MORF4L1: variants seen among roughly 807,000 people sequenced by gnomAD.
MORF4L1 encodes the protein mortality factor 4 like 1, also known as mortality factor 4-like protein 1.
Under a neutral mutation model 52.9 loss-of-function variants are expected in MORF4L1, and 4 were observed. The ratio of observed to expected loss-of-function variants is 0.08; its 90% CI spans 0.04 to 0.17. The LOEUF is 0.17. Among genes scored for constraint, MORF4L1 ranks in the 10% least tolerant of loss-of-function variants. The pLI, the probability that MORF4L1 is intolerant of heterozygous loss-of-function variation, is 1.00. For synonymous variants in MORF4L1, 123 were observed against 134.8 expected (o/e 0.91, Z 0.61); for missense variants, 214 against 390.4 (o/e 0.55, Z 3.81).
intron 1 of MORF4L1, chr15:78,876,466 C>G (rs1023465502): frequency 1.3e-5 from 6 of 453,004 alleles, no homozygotes; most frequent in Admixed American, 4.8e-5. Flanking sequence ...GGTCATACTC[C>G]TCAGCTAGCT....
intron 3 of MORF4L1, among the ~76,000 whole-genome samples, chr15:78,884,660 T>TACACAC (rs67970418): frequency 1.5e-5 from 2 of 130,700 alleles, no homozygotes; most frequent in African/African-American, 5.9e-5. Context: ...AAAAAAAAAA[T>TACACAC]ACACACACAC....
intron 10 of MORF4L1, 183 bp from the exon 11 acceptor site, chr15:78,894,637 G>A: frequency 1.8e-6 from 1 of 564,608 alleles, no homozygotes; most frequent in Admixed American, 3.1e-5. Context: ...TTGAATACCT[G>A]ACCTCAAGCG....
chr15:78,874,583 C>CTTTTTT (rs56665378), intron 1 of MORF4L1, among the ~76,000 whole-genome samples: 94 of 112,158 alleles, frequency 8.4e-4, no homozygotes, highest in East Asian at 1.6e-3. Context: ...CTTTTTCTTT[C>CTTTTTT]TTTTTTTTTT....
In MORF4L1 at chr15:78,872,898, C is replaced by T. The variant is rs2056392238; in HGVS notation, c.-120C>T. The stretch of plus-strand genomic sequence containing the variant: ...GGTCTGCGGGCGCTGGCAAATCCGG[C>T]CCAGGATGTAGAGCTGGCAGTGCCT... On this transcript the variant is annotated 5_prime_UTR_variant, in exon 1 of 12. Coordinates refer to ENST00000426013, the MANE Select transcript of MORF4L1 (RefSeq NM_006791.4). 1.3e-5 allele frequency: 19 copies of T among 1,459,802 alleles called. No homozygotes were observed. The highest frequency in any genetic ancestry group is 1.6e-5 in the Non-Finnish European group (18 of 1,109,298). The allele number at this position is 1,459,802 out of a possible 1,614,324, so 90.4% of individuals were successfully genotyped here. A position where few individuals can be genotyped will look rare whatever the true frequency, so the allele number is the denominator to read the frequency against.
intron 3 of MORF4L1, among the ~76,000 whole-genome samples, chr15:78,882,822 A>G (rs1437818879): frequency 6.6e-4 from 2 of 3,050 alleles, no homozygotes; most frequent in African/African-American, 6.9e-4. Flanking sequence ...CTATAGTTTT[A>G]GCTTCTTAGG....
chr15:78,895,026 G>A, intron 11 of MORF4L1, 122 bp downstream of exon 11: 1 of 774,270 alleles, frequency 1.3e-6, no homozygotes, highest in East Asian at 2.7e-5. Context: ...AGTTGGTAAT[G>A]GAGCAGTAAA....
At position 78,891,496 on chromosome 15, in the gene MORF4L1, G is replaced by C; in HGVS notation, c.362G>C (p.Gly121Ala). 1 of 1,613,982 alleles carries C rather than the reference G, an allele frequency of 6.2e-7. No individual in the cohort carries two copies. Among genetic ancestry groups the C allele is most frequent in the Non-Finnish European group, 8.5e-7 (1 of 1,179,896 alleles). Reference sequence around the variant, plus strand: ...CCAACATTTACAGCACCTGGAAATGGAGATGGTGGCAGTACCAGTGAGACC... The same window carrying C: ...CCAACATTTACAGCACCTGGAAATGCAGATGGTGGCAGTACCAGTGAGACC... The part of the protein sequence containing the change: ...KKNKQKTPGN[G>A]DGGSTSETPQ... Residue 121 changes from glycine (G) to alanine (A), a missense_variant, in exon 7 of 12, where the codon GGA becomes GCA. By Grantham distance (60) the Gly-to-Ala change is moderately conservative. Coordinates refer to ENST00000426013, the MANE Select transcript of MORF4L1 (RefSeq NM_006791.4).
intron 1 of MORF4L1, among the ~76,000 whole-genome samples, chr15:78,874,232 C>T: frequency 6.6e-6 from 1 of 152,336 alleles, no homozygotes; most frequent in South Asian, 2.1e-4. Context: ...AATACGATGT[C>T]TACATGCGTA....
intron 3 of MORF4L1, chr15:78,885,186 C>A: frequency 1.1e-6 from 1 of 884,374 alleles, no homozygotes; most frequent in Non-Finnish European, 1.7e-6. Flanking sequence ...GGTGGGAAAT[C>A]ATTAAACAAA....
intron 3 of MORF4L1, among the ~76,000 whole-genome samples, chr15:78,881,189 CTT>C (rs570514618): frequency 1.9e-4 from 13 of 67,180 alleles, no homozygotes; most frequent in East Asian, 1.2e-3. Flanking sequence ...AGAGTTAAGC[CTT>C]TTTTTTTTTT....
At chr15:78,885,074 T>C (rs543708372) in intron 3 of MORF4L1, 1 of 1,609,820 alleles carries the variant, frequency 6.2e-7, no homozygotes, top group South Asian at 1.1e-5. Context: ...CACCCCCTCC[T>C]GACCTCTAGG....
At chr15:78,881,126 G>A (rs1414168452) in intron 3 of MORF4L1, among the ~76,000 whole-genome samples, 2 of 142,506 alleles carry the variant, frequency 1.4e-5, no homozygotes, top group African/African-American at 5.1e-5. Flanking sequence ...TCACTTTTTA[G>A]CATGGTTTAA....
intron 11 of MORF4L1, 87 bp downstream of exon 11, chr15:78,894,991 A>AC (rs1474429950): frequency 2.8e-6 from 3 of 1,069,634 alleles, no homozygotes; most frequent in Non-Finnish European, 4.3e-6. Flanking sequence ...AAAACATTAA[A>AC]CATTATATTG....
chr15:78,892,518 G>T, intron 8 of MORF4L1: 1 of 434,410 alleles, frequency 2.3e-6, no homozygotes, highest in Non-Finnish European at 4.1e-6. Context: ...AATTTTATGA[G>T]GTTATAATGA....
chr15:78,888,456 A>T (rs1314855695), intron 5 of MORF4L1, among the ~76,000 whole-genome samples: 1 of 152,166 alleles, frequency 6.6e-6, no homozygotes, highest in Non-Finnish European at 1.5e-5. Context: ...AAAAGAAAAA[A>T]AAAAAAGTTG....
chr15:78,875,926 GTT>G (rs1026903672), intron 1 of MORF4L1, among the ~76,000 whole-genome samples: 1 of 151,294 alleles, frequency 6.6e-6, no homozygotes, highest in South Asian at 2.1e-4. Context: ...GAGAAGTAGT[GTT>G]TTTTTGTTTT....
intron 6 of MORF4L1, 47 bp from the exon 7 acceptor site, chr15:78,891,437 G>T (rs1431651931): frequency 2.9e-6 from 4 of 1,400,716 alleles, no homozygotes; most frequent in African/African-American, 2.8e-5. Context: ...TCCTTATAGA[G>T]TTTGTTAAAT....
At chr15:78,885,218 T>G (rs1393614549) in intron 3 of MORF4L1, 2 of 608,282 alleles carry the variant, frequency 3.3e-6, no homozygotes, top group Non-Finnish European at 2.7e-6. Context: ...AATTTTTTTT[T>G]GTAATTGGGT....
chr15:78,893,657 C>G, intron 9 of MORF4L1, 30 bp downstream of exon 9: 1 of 1,410,500 alleles, frequency 7.1e-7, no homozygotes, highest in Admixed American at 2.0e-5. Flanking sequence ...AGATGACACT[C>G]AAAAGACATT....
Sources: allele counts gnomAD v4.1 joint callset (sites outside exome capture counted in the v4.1 genomes callset), GRCh38; gene constraint gnomAD v4.1.1; transcripts MANE v1.5; gene names NCBI Gene and HGNC (gene_info 2026-07-23, HGNC 2026-07-21).